EFCAB5: variants seen among roughly 807,000 people sequenced by gnomAD.
EFCAB5 encodes EF-hand calcium-binding domain-containing protein 5.
In EFCAB5, 131 loss-of-function variants were observed where a neutral mutation model predicts 167.9. The ratio of observed to expected loss-of-function variants is 0.78; its 90% CI spans 0.68 to 0.90. The LOEUF (loss-of-function observed/expected upper bound fraction) is 0.90, where lower values mean the gene tolerates loss of function less well. Ranked by LOEUF, EFCAB5 falls within the 40% of genes least tolerant of loss-of-function variation. The pLI, the probability that EFCAB5 is intolerant of heterozygous loss-of-function variation, is 0.00. For missense variants in EFCAB5, 1,663 were observed against 1,745.2 expected (o/e 0.95, Z 0.84); for synonymous variants, 574 against 602.8 (o/e 0.95, Z 0.70).
intron 7 of EFCAB5, among the ~76,000 whole-genome samples, chr17:30,021,907 T>C (rs562987481): frequency 7.9e-5 from 12 of 152,240 alleles, no homozygotes; most frequent in South Asian, 2.1e-4. Context: ...CTAGTGGAGA[T>C]ACTATGTCAT....
chr17:30,049,996 A>G (rs530428415), intron 8 of EFCAB5, among the ~76,000 whole-genome samples: 10 of 152,266 alleles, frequency 6.6e-5, no homozygotes, highest in African/African-American at 2.4e-4. Context: ...TTTTTTAATT[A>G]TGGTGTTTCC....
chr17:30,033,155 T>TG (rs1272711429), intron 7 of EFCAB5, among the ~76,000 whole-genome samples: 2 of 151,828 alleles, frequency 1.3e-5, no homozygotes, highest in East Asian at 3.9e-4. Context: ...CTCGGCTCAC[T>TG]GCAAGCTCCG....
intron 3 of EFCAB5, among the ~76,000 whole-genome samples, chr17:29,964,789 CTCTT>C (rs112700562): frequency 0.076 from 11,491 of 151,728 alleles, 903 homozygotes; most frequent in African/African-American, 0.21. Context: ...TTTCTATTCT[CTCTT>C]TTGTTTATCT....
At chr17:29,991,371 G>A (rs1482316680) in intron 4 of EFCAB5, among the ~76,000 whole-genome samples, 1 of 152,192 alleles carries the variant, frequency 6.6e-6, no homozygotes, top group Non-Finnish European at 1.5e-5. Context: ...ACAGCCTTCA[G>A]AGCTGAGAGC....
intron 7 of EFCAB5, among the ~76,000 whole-genome samples, chr17:30,019,447 CTT>C (rs763717475): frequency 8.5e-5 from 12 of 140,376 alleles, no homozygotes; most frequent in Non-Finnish European, 7.8e-5. Context: ...CTCCCTCTCT[CTT>C]TTTTTTTTTT....
At chr17:30,037,530 A>G (rs2069659481) in intron 8 of EFCAB5, among the ~76,000 whole-genome samples, 1 of 152,198 alleles carries the variant, frequency 6.6e-6, no homozygotes, top group South Asian at 2.1e-4. Context: ...AAAGATATGA[A>G]CACACAATTC....
intron 14 of EFCAB5, chr17:30,068,622 G>C (rs996573567): frequency 1.5e-5 from 22 of 1,487,770 alleles, no homozygotes; most frequent in Non-Finnish European, 2.0e-5. Context: ...TGCCTGTGCG[G>C]GTCGCTAGGG....
intron 14 of EFCAB5, among the ~76,000 whole-genome samples, chr17:30,064,037 A>T (rs1206959989): frequency 3.9e-5 from 6 of 152,120 alleles, no homozygotes. Context: ...TATAAAAGCC[A>T]CTCTAGAAAG....
Position 29,999,953 on chromosome 17 carries a change from T to C in EFCAB5, c.1021T>C (p.Leu341=), listed in dbSNP as rs1274811820. The C allele has an allele frequency of 1.9e-6, 3 of 1,579,594 alleles. No homozygotes were observed. The highest frequency in any genetic ancestry group is 2.6e-6 in the Non-Finnish European group (3 of 1,161,086). The change falls in exon 7 of 23, where the codon TTG becomes CTG. Residue 341 remains leucine, a synonymous_variant. Coordinates refer to ENST00000394835, the MANE Select transcript of EFCAB5 (RefSeq NM_198529.4). The part of the protein sequence containing the change: ...LDITDSTEPR[L]NKMEFTEYIS... ...TATTACTGACTCAACAGAACCAAGATTGAACAAAATGGAATTTACAGAAGT... is the reference window on the plus strand; with the variant it reads ...TATTACTGACTCAACAGAACCAAGACTGAACAAAATGGAATTTACAGAAGT...
At chr17:29,996,468 T>G in intron 6 of EFCAB5, 108 bp downstream of exon 6, 1 of 955,580 alleles carries the variant, frequency 1.0e-6, no homozygotes, top group Non-Finnish European at 1.6e-6. Flanking sequence ...TCAAAACTCT[T>G]GCAGGGGCAA....
At chr17:30,021,076 C>T (rs1378487902) in intron 7 of EFCAB5, among the ~76,000 whole-genome samples, 1 of 150,558 alleles carries the variant, frequency 6.6e-6, no homozygotes, top group African/African-American at 2.4e-5. Flanking sequence ...CAGGAAGGAA[C>T]AACATGTAAA....
At chr17:29,966,855 C>A (rs1005201783) in intron 3 of EFCAB5, among the ~76,000 whole-genome samples, 1 of 151,538 alleles carries the variant, frequency 6.6e-6, no homozygotes, top group Non-Finnish European at 1.5e-5. Flanking sequence ...TTTTTTTCAG[C>A]ACTTCCTTAC....
intron 8 of EFCAB5, among the ~76,000 whole-genome samples, chr17:30,042,627 G>C (rs1256853454): frequency 1.3e-5 from 2 of 151,990 alleles, no homozygotes; most frequent in Non-Finnish European, 2.9e-5. Context: ...TATGTATAAA[G>C]AAGTATAATT....
intron 14 of EFCAB5, among the ~76,000 whole-genome samples, chr17:30,071,465 G>A (rs1475687075): frequency 6.6e-6 from 1 of 151,034 alleles, no homozygotes; most frequent in East Asian, 1.9e-4. Context: ...TCTCACCCTG[G>A]CTAGAATGGC....
intron 14 of EFCAB5, among the ~76,000 whole-genome samples, chr17:30,072,700 G>A (rs1042139912): frequency 1.7e-4 from 26 of 152,128 alleles, no homozygotes; most frequent in Non-Finnish European, 7.4e-5. Flanking sequence ...TATCACAGAA[G>A]CAATGCTGTG....
chr17:29,959,192 T>C (rs1179611667), intron 3 of EFCAB5, among the ~76,000 whole-genome samples: 2 of 151,998 alleles, frequency 1.3e-5, no homozygotes, highest in African/African-American at 4.8e-5. Flanking sequence ...GGCTCTTTAG[T>C]CAGCAGCTAG....
At chr17:29,976,238 G>A (rs1427184418) in intron 4 of EFCAB5, among the ~76,000 whole-genome samples, 2 of 152,144 alleles carry the variant, frequency 1.3e-5, no homozygotes, top group Non-Finnish European at 2.9e-5. Context: ...AGCACACTAG[G>A]ACATTGGGTT....
chr17:30,072,117 G>T (rs2070752515), intron 14 of EFCAB5, among the ~76,000 whole-genome samples: 1 of 152,120 alleles, frequency 6.6e-6, no homozygotes, highest in Admixed American at 6.5e-5. Context: ...GCAATTGGTT[G>T]TATATTTTCA....
intron 3 of EFCAB5, among the ~76,000 whole-genome samples, chr17:29,949,697 G>A (rs1053386230): frequency 6.6e-6 from 1 of 152,174 alleles, no homozygotes; most frequent in Non-Finnish European, 1.5e-5. Flanking sequence ...ATATAGGCTT[G>A]TTCAGAATCC....
Sources: allele counts gnomAD v4.1 joint callset (sites outside exome capture counted in the v4.1 genomes callset), GRCh38; gene constraint gnomAD v4.1.1; transcripts MANE v1.5; gene names NCBI Gene and HGNC (gene_info 2026-07-23, HGNC 2026-07-21).